COL23A1: variants seen among roughly 807,000 people sequenced by gnomAD.
The protein encoded by COL23A1 is collagen alpha-1(XXIII) chain.
In COL23A1, 97 loss-of-function variants were observed where a neutral mutation model predicts 99.3. The ratio of observed to expected loss-of-function variants is 0.98; its 90% CI spans 0.83 to 1.16. The LOEUF (loss-of-function observed/expected upper bound fraction) is 1.16. Ranked by LOEUF, COL23A1 falls within the 50% of genes most tolerant of loss-of-function variation. The pLI is 0.00. For synonymous variants in COL23A1, 320 were observed against 308.2 expected (o/e 1.04, Z -0.40); for missense variants, 762 against 757.4 (o/e 1.01, Z -0.07).
At chr5:178,367,465 A>G (rs1762549193) in intron 2 of COL23A1, among the ~76,000 whole-genome samples, 1 of 152,180 alleles carries the variant, frequency 6.6e-6, no homozygotes. Flanking sequence ...ACATTTATAC[A>G]GAGCTCCAAG....
chr5:178,416,466 G>A (rs1765316082), intron 2 of COL23A1, among the ~76,000 whole-genome samples: 1 of 152,224 alleles, frequency 6.6e-6, no homozygotes, highest in African/African-American at 2.4e-5. Context: ...CTGGCTGCTG[G>A]GAGTGAGCCC....
chr5:178,464,948 G>A (rs1336886075), intron 2 of COL23A1, among the ~76,000 whole-genome samples: 1 of 152,232 alleles, frequency 6.6e-6, no homozygotes, highest in East Asian at 1.9e-4. Flanking sequence ...CTTCCAGAAT[G>A]CCACTGCTGC....
chr5:178,578,251 G>A (rs1185514101), intron 1 of COL23A1, among the ~76,000 whole-genome samples: 1 of 151,448 alleles, frequency 6.6e-6, no homozygotes, highest in Non-Finnish European at 1.5e-5. Flanking sequence ...TGGCACACAC[G>A]TGCACACACA....
chr5:178,242,399 C>G lies in COL23A1; in HGVS notation c.1441-5G>C, dbSNP rs1033155978. On this transcript the variant is annotated splice_polypyrimidine_tract_variant and splice_region_variant and intron_variant, in intron 25 of 28. Coordinates refer to ENST00000390654, the MANE Select transcript of COL23A1 (RefSeq NM_173465.4). Reference sequence around the variant, plus strand: ...TCCTCGGGGTCCAGGGAAACCCTGACAAAAGGATTAGATGCTAAACCCGAA... The same window carrying G: ...TCCTCGGGGTCCAGGGAAACCCTGAGAAAAGGATTAGATGCTAAACCCGAA... The G allele has an allele frequency of 1.2e-6, 2 of 1,613,914 alleles. No homozygotes were observed. The highest frequency in any genetic ancestry group is 2.7e-5 in the African/African-American group (2 of 74,938).
chr5:178,336,992 C>G (rs1561873524), intron 2 of COL23A1, among the ~76,000 whole-genome samples: 15 of 151,684 alleles, frequency 9.9e-5, no homozygotes, highest in Admixed American at 9.8e-4. Flanking sequence ...ACACTCCTCC[C>G]CGGAGCCAGC....
At chr5:178,302,111 C>T (rs1758085461) in intron 3 of COL23A1, among the ~76,000 whole-genome samples, 1 of 141,642 alleles carries the variant, frequency 7.1e-6, no homozygotes, top group South Asian at 2.3e-4. Context: ...CAATGCTGCA[C>T]CTCTGTGTGC....
At chr5:178,584,952 G>A (rs989638843) in intron 1 of COL23A1, among the ~76,000 whole-genome samples, 1 of 152,168 alleles carries the variant, frequency 6.6e-6, no homozygotes, top group Non-Finnish European at 1.5e-5. Flanking sequence ...ATGTCCTAGA[G>A]TGCCACCCTT....
At chr5:178,278,789 G>A (rs1170004890) in intron 5 of COL23A1, among the ~76,000 whole-genome samples, 2 of 152,226 alleles carry the variant, frequency 1.3e-5, no homozygotes, top group Non-Finnish European at 2.9e-5. Flanking sequence ...CCTGGAGCGC[G>A]TTTCCTCCTC....
chr5:178,313,661 C>T lies in COL23A1; in HGVS notation c.362-6742G>A, dbSNP rs144104624. Among the ~76,000 whole-genome samples, 611 of 152,320 alleles carry T rather than the reference C, an allele frequency of 4.0e-3. 3 individuals carry two copies. The highest frequency in any genetic ancestry group is 0.014 in the African/African-American group (579 of 41,566). ...CCATGGCCAAGATTTTCTCATCCCACCACGTGTCGAGTGTCCCTTCAGACC... is the reference window on the plus strand; with the variant it reads ...CCATGGCCAAGATTTTCTCATCCCATCACGTGTCGAGTGTCCCTTCAGACC... On this transcript the variant is annotated intron_variant, in intron 2 of 28. Transcript: ENST00000390654. The surrounding 1 kb of genome is among the most constrained non-coding windows in gnomAD (Gnocchi z 4.2).
intron 5 of COL23A1, among the ~76,000 whole-genome samples, chr5:178,275,666 T>C (rs1756543528): frequency 6.6e-6 from 1 of 152,132 alleles, no homozygotes; most frequent in South Asian, 2.1e-4. Flanking sequence ...ATGGTTCCCC[T>C]TAACTGCTCC....
intron 3 of COL23A1, among the ~76,000 whole-genome samples, chr5:178,294,660 A>G (rs577533764): frequency 2.0e-5 from 3 of 152,384 alleles, no homozygotes; most frequent in Non-Finnish European, 2.9e-5. Flanking sequence ...AAAAGGATCA[A>G]TGATTTTACA....
chr5:178,401,736 C>A (rs879462170), intron 2 of COL23A1, among the ~76,000 whole-genome samples: 103 of 152,208 alleles, frequency 6.8e-4, no homozygotes, highest in Non-Finnish European at 8.8e-5. Flanking sequence ...AGTGCCTATG[C>A]CATTTGACAT....
At chr5:178,275,189 C>G (rs1360171736) in intron 5 of COL23A1, among the ~76,000 whole-genome samples, 1 of 152,224 alleles carries the variant, frequency 6.6e-6, no homozygotes, top group African/African-American at 2.4e-5. Context: ...TCCTCTCAAA[C>G]AACAAGTTCA....
At chr5:178,271,752 C>A (rs568166397) in intron 5 of COL23A1, among the ~76,000 whole-genome samples, 1 of 152,210 alleles carries the variant, frequency 6.6e-6, no homozygotes, top group Non-Finnish European at 1.5e-5. Context: ...AGCTCCTAGC[C>A]GGCAGGGCGC....
At position 178,368,669 on chromosome 5, in the gene COL23A1, G is replaced by GGCCTCCAGAAGCCGTCA. The variant is rs1375362716; in HGVS notation, c.362-61767_362-61751dup. On this transcript the variant is annotated intron_variant, in intron 2 of 28. Transcript: ENST00000390654. ...CCAAGCCTGGCCTCCAGAAGCCATC[G>GGCCTCCAGAAGCCGTCA]GCCTCCAGAAGCCGTCAGCCTCCAG... Among the ~76,000 whole-genome samples, 60 of 149,750 alleles carry GGCCTCCAGAAGCCGTCA rather than the reference G, an allele frequency of 4.0e-4. 1 individual carries two copies. The highest frequency in any genetic ancestry group is 1.0e-3 in the African/African-American group (40 of 39,200).
chr5:178,492,077 G>A (rs899951201), intron 2 of COL23A1, among the ~76,000 whole-genome samples: 4 of 152,046 alleles, frequency 2.6e-5, no homozygotes, highest in Non-Finnish European at 4.4e-5. Context: ...AATACAAATC[G>A]AATTTAATAT....
Position 178,589,696 on chromosome 5 carries a change from G to A in COL23A1, c.294+208C>T, listed in dbSNP as rs565168326. Among the ~76,000 whole-genome samples the A allele has an allele frequency of 1.4e-4, 22 of 152,200 alleles. No homozygotes were observed. The South Asian group carries it at 2.5e-3, about 17-fold the overall frequency. ...CTGCCTGGCACGGGACCCTGAGGCC[G>A]GAGCGGAGACCGCAAAACCCCTTGG... On this transcript the variant is annotated intron_variant, in intron 1 of 28. Transcript: ENST00000390654. This position sits in a 1 kb window ranked among gnomAD's most constrained non-coding sequence, Gnocchi z 5.4.
intron 5 of COL23A1, among the ~76,000 whole-genome samples, chr5:178,272,179 C>T (rs1224961594): frequency 2.0e-5 from 3 of 152,348 alleles, no homozygotes; most frequent in East Asian, 1.9e-4. Context: ...AGAGGCAGCT[C>T]GTCCCCCGGG....
At chr5:178,363,413 T>C (rs1762281054) in intron 2 of COL23A1, among the ~76,000 whole-genome samples, 1 of 152,170 alleles carries the variant, frequency 6.6e-6, no homozygotes, top group Admixed American at 6.5e-5. Flanking sequence ...GTGCACTCAC[T>C]CATTCACTGA....
Sources: gnomAD v4.1 joint callset for allele counts (sites outside exome capture counted in the v4.1 genomes callset) on GRCh38, gnomAD v4.1.1 for gene constraint, Gnocchi (gnomAD v3.1) non-coding constraint, MANE v1.5 for transcripts, NCBI Gene and HGNC (gene_info 2026-07-23, HGNC 2026-07-21) for gene names.